Variants in PCDHA12 observed in about 807,000 individuals in gnomAD.
PCDHA12 encodes protocadherin alpha-12.
In PCDHA12, 44 loss-of-function variants were observed where a neutral mutation model predicts 60.0. The observed-to-expected ratio is 0.73, with a 90% confidence interval of 0.58 to 0.94. The LOEUF (loss-of-function observed/expected upper bound fraction) is 0.94. Ranked by LOEUF, PCDHA12 falls within the 40% of genes least tolerant of loss-of-function variation. PCDHA12 has a pLI of 0.00. For missense variants in PCDHA12, 1,276 were observed against 1,239.7 expected (o/e 1.03, Z -0.44); for synonymous variants, 569 against 553.0 (o/e 1.03, Z -0.40).
intron 1 of PCDHA12, chr5:140,966,754 G>A (rs1554228611): frequency 1.4e-6 from 2 of 1,432,146 alleles, no homozygotes; most frequent in South Asian, 3.0e-5. Context: ...TGCCTCCGCC[G>A]CGGCCAGTGG....
chr5:140,994,428 C>T lies in PCDHA12; in HGVS notation c.2515+11865C>T, dbSNP rs183026150. Among the ~76,000 whole-genome samples, 15 of 152,198 alleles carry T rather than the reference C, an allele frequency of 9.9e-5. No individual in the cohort carries two copies. The South Asian group carries it at 1.2e-3, about 13-fold the overall frequency. On this transcript the variant is annotated intron_variant, in intron 3 of 3. Transcript: ENST00000398631. ...TTTAATACTGGATATTGAGGCCGGGCGCAGTGGCTCACACCTGTGATCCCA... is the reference window on the plus strand; with the variant it reads ...TTTAATACTGGATATTGAGGCCGGGTGCAGTGGCTCACACCTGTGATCCCA...
At chr5:140,964,548 G>C (rs1468417797) in intron 1 of PCDHA12, among the ~76,000 whole-genome samples, 1 of 152,102 alleles carries the variant, frequency 6.6e-6, no homozygotes, top group East Asian at 1.9e-4. Context: ...AGATGGCAGC[G>C]ACTTGGAGGG....
chr5:140,884,764 T>C (rs2060348326), intron 1 of PCDHA12: 1 of 1,417,012 alleles, frequency 7.1e-7, no homozygotes, highest in Non-Finnish European at 9.3e-7. Flanking sequence ...TATTCTTTAC[T>C]TTAATTTTAA....
intron 1 of PCDHA12, among the ~76,000 whole-genome samples, chr5:140,945,881 A>C (rs1334626828): frequency 6.6e-6 from 1 of 152,158 alleles, no homozygotes; most frequent in African/African-American, 2.4e-5. Flanking sequence ...AAAACTAACA[A>C]AGAAAACACA....
At chr5:140,940,372 AGTT>A (rs2092600737) in intron 1 of PCDHA12, among the ~76,000 whole-genome samples, 1 of 151,970 alleles carries the variant, frequency 6.6e-6, no homozygotes, top group Non-Finnish European at 1.5e-5. Flanking sequence ...GTATTCCTTG[AGTT>A]GTTAATTTTG....
At position 140,884,619 on chromosome 5, in the gene PCDHA12, A is replaced by C; in HGVS notation, c.2367+6780A>C. ...CTTCCTCCTTGTCTGGGTTCTGCAGAGGGAACAGGCCAGAGGGAGGAGGAC... is the reference window on the plus strand; with the variant it reads ...CTTCCTCCTTGTCTGGGTTCTGCAGCGGGAACAGGCCAGAGGGAGGAGGAC... On this transcript the variant is annotated intron_variant, in intron 1 of 3. Coordinates refer to ENST00000398631, the MANE Select transcript of PCDHA12 (RefSeq NM_018903.4). 3.7e-6 allele frequency: 6 copies of C among 1,614,074 alleles called. No homozygotes were observed. The highest frequency in any genetic ancestry group is 5.1e-6 in the Non-Finnish European group (6 of 1,179,956).
At chr5:140,895,206 AT>A (rs2064913908) in intron 1 of PCDHA12, among the ~76,000 whole-genome samples, 1 of 151,808 alleles carries the variant, frequency 6.6e-6, no homozygotes, top group Non-Finnish European at 1.5e-5. Flanking sequence ...ATTTGCTTTT[AT>A]TTCTAATATT....
chr5:140,935,108 A>G (rs1181696268), intron 1 of PCDHA12, among the ~76,000 whole-genome samples: 3 of 152,148 alleles, frequency 2.0e-5, no homozygotes, highest in Non-Finnish European at 4.4e-5. Context: ...TTTTTCAAAG[A>G]GCTTTCACTT....
intron 1 of PCDHA12, among the ~76,000 whole-genome samples, chr5:140,952,338 CA>C (rs55931446): frequency 8.7e-4 from 117 of 135,030 alleles, no homozygotes; most frequent in South Asian, 1.2e-3. Flanking sequence ...AACTCCATCT[CA>C]AAAAAAAAAA....
At chr5:140,907,927 T>C (rs970960629) in intron 1 of PCDHA12, among the ~76,000 whole-genome samples, 14 of 152,220 alleles carry the variant, frequency 9.2e-5, no homozygotes, top group Admixed American at 9.2e-4. Flanking sequence ...GAGAGGTCCA[T>C]TCACATACCT....
In PCDHA12 at chr5:140,875,450, C is replaced by A; in HGVS notation, c.-23C>A. Reference sequence around the variant, plus strand: ...GATCCCTTAAAACTGATTGTCCCAACTCAGAGGCCCTCATTTTCTGCAATG... The same window carrying A: ...GATCCCTTAAAACTGATTGTCCCAAATCAGAGGCCCTCATTTTCTGCAATG... On this transcript the variant is annotated 5_prime_UTR_variant, in exon 1 of 4. Coordinates refer to ENST00000398631, the MANE Select transcript of PCDHA12 (RefSeq NM_018903.4). 1 of 1,590,616 alleles carries A rather than the reference C, an allele frequency of 6.3e-7. No individual in the cohort carries two copies. The highest frequency in any genetic ancestry group is 8.6e-7 in the Non-Finnish European group (1 of 1,168,504).
Position 141,009,940 on chromosome 5 carries a change from T to G in PCDHA12, c.*3T>G, listed in dbSNP as rs782531781. ...CGACTGACAACAGTGACCAGTGAGG[T>G]CCTCAAATGGAAACAAGCCACTTAG... On this transcript the variant is annotated 3_prime_UTR_variant, in exon 4 of 4. Transcript: ENST00000398631. 7 of 1,598,042 alleles carry G rather than the reference T, an allele frequency of 4.4e-6. No homozygotes were observed. The highest frequency in any genetic ancestry group is 4.3e-6 in the Non-Finnish European group (5 of 1,174,556).
chr5:140,908,142 A>T (rs1371459142), intron 1 of PCDHA12, among the ~76,000 whole-genome samples: 1 of 152,158 alleles, frequency 6.6e-6, no homozygotes, highest in East Asian at 1.9e-4. Context: ...TCCTTCAGGT[A>T]TGTCCTAGGA....
At chr5:140,915,982 G>A (rs1563009608) in intron 1 of PCDHA12, among the ~76,000 whole-genome samples, 3 of 152,230 alleles carry the variant, frequency 2.0e-5, no homozygotes, top group South Asian at 2.1e-4. Flanking sequence ...ATTTGACTAC[G>A]GCTAAGCTGG....
At chr5:140,899,789 G>A (rs1200461877) in intron 1 of PCDHA12, among the ~76,000 whole-genome samples, 17 of 152,024 alleles carry the variant, frequency 1.1e-4, no homozygotes, top group Admixed American at 9.8e-4. Context: ...GGTATAATTC[G>A]GCTGTGAATC....
At chr5:140,885,970 A>G (rs1554182306) in intron 1 of PCDHA12, among the ~76,000 whole-genome samples, 1 of 152,122 alleles carries the variant, frequency 6.6e-6, no homozygotes, top group Non-Finnish European at 1.5e-5. Flanking sequence ...TTTTGAGATA[A>G]TTATAGATTC....
At chr5:140,965,356 A>T (rs1554227617) in intron 1 of PCDHA12, among the ~76,000 whole-genome samples, 3 of 152,194 alleles carry the variant, frequency 2.0e-5, no homozygotes, top group African/African-American at 7.2e-5. Flanking sequence ...CCTCTATAGC[A>T]GTACAAGAGG....
chr5:140,971,035 C>T (rs1251023371), intron 1 of PCDHA12, among the ~76,000 whole-genome samples: 1 of 152,098 alleles, frequency 6.6e-6, no homozygotes, highest in African/African-American at 2.4e-5. Flanking sequence ...TTTGAAAGCA[C>T]GTAAAAGGGT....
intron 1 of PCDHA12, among the ~76,000 whole-genome samples, chr5:140,887,519 T>C (rs1460911624): frequency 1.3e-5 from 2 of 152,190 alleles, no homozygotes; most frequent in East Asian, 3.8e-4. Flanking sequence ...CTTTTTTATA[T>C]ATGAGTCTTC....
Sources: gnomAD v4.1 joint callset for allele counts (sites outside exome capture counted in the v4.1 genomes callset) on GRCh38, gnomAD v4.1.1 for gene constraint, MANE v1.5 for transcripts, NCBI Gene and HGNC (gene_info 2026-07-23, HGNC 2026-07-21) for gene names.